The following NRL variants were observed in gnomAD, a reference collection of about 807,000 sequenced individuals.
The protein encoded by NRL is neural retina leucine zipper, also known as neural retina-specific leucine zipper protein.
In NRL, 16 loss-of-function variants were observed where a neutral mutation model predicts 12.5. That is an observed-to-expected ratio of 1.28 (90% confidence interval 0.87 to 1.95). The LOEUF is 1.95. Among genes scored for constraint, NRL ranks in the 30% most tolerant of loss-of-function variants. The pLI is 0.00. For missense variants in NRL, 314 were observed against 325.8 expected, an observed-to-expected ratio of 0.96 and a Z score of 0.28; for synonymous variants, 142 against 150.9, an observed-to-expected ratio of 0.94 and a Z score of 0.43.
intron 1 of NRL, chr14:24,114,415 C>G (rs1431220786): frequency 6.5e-6 from 1 of 153,512 alleles, no homozygotes; most frequent in South Asian, 2.1e-4. Context: ...GACAGAAGAA[C>G]GGCTCCAGCT....
chr14:24,099,583 G>A (rs1433659057), intron 1 of NRL: 1 of 1,606,082 alleles, frequency 6.2e-7, no homozygotes, highest in East Asian at 2.2e-5. Context: ...AGCCCTGCAG[G>A]GAAGAAGCGC....
chr14:24,100,254 C>T (rs2037108777), intron 1 of NRL: 6 of 1,607,204 alleles, frequency 3.7e-6, no homozygotes, highest in Non-Finnish European at 5.1e-6. Context: ...CTCCAGGCCT[C>T]AGCACCTTAA....
At chr14:24,100,182 G>C (rs1594302409) in intron 1 of NRL, 1 of 1,614,176 alleles carries the variant, frequency 6.2e-7, no homozygotes, top group East Asian at 2.2e-5. Context: ...GTGTTACTGT[G>C]ACCTCCTGGC....
rs1293303735 is a variant in NRL at position 24,092,856 on chromosome 14, G to A, written c.-27-9981C>T. Reference sequence around the variant, plus strand: ...AACTGAAATCAGGAATCCATTGCTCGCCATCTCCCTGCTCTGCTTCCTCTA... The same window carrying A: ...AACTGAAATCAGGAATCCATTGCTCACCATCTCCCTGCTCTGCTTCCTCTA... On this transcript the variant is annotated intron_variant, in intron 1 of 2. Coordinates refer to ENST00000561028, the MANE Select transcript of NRL (RefSeq NM_001354768.3). Among the ~76,000 whole-genome samples, 9 of 152,200 alleles carry A rather than the reference G, an allele frequency of 5.9e-5. No homozygotes were observed. In the South Asian group the frequency reaches 1.0e-3, roughly 17 times the overall value.
intron 1 of NRL, chr14:24,102,749 C>A: frequency 6.2e-7 from 1 of 1,612,178 alleles, no homozygotes; most frequent in Non-Finnish European, 8.5e-7. Context: ...ATTTCCTCTG[C>A]CAGGTGACAA....
intron 1 of NRL, among the ~76,000 whole-genome samples, chr14:24,104,533 G>A (rs1378385555): frequency 6.6e-6 from 1 of 151,688 alleles, no homozygotes; most frequent in Non-Finnish European, 1.5e-5. Flanking sequence ...TAGCTATTTG[G>A]GAAGCTGAGG....
At chr14:24,108,484 A>G (rs1171378209) in intron 1 of NRL, among the ~76,000 whole-genome samples, 1 of 149,258 alleles carries the variant, frequency 6.7e-6, no homozygotes, top group Non-Finnish European at 1.5e-5. Context: ...GGTGTAAGCC[A>G]CCACACCTGG....
rs556203758 is a variant in NRL at position 24,085,955 on chromosome 14, G to A, written c.-27-3080C>T. 2.6e-5 allele frequency among the ~76,000 whole-genome samples: 4 copies of A among 152,324 alleles called. No homozygotes were observed. The highest frequency in any genetic ancestry group is 9.6e-5 in the African/African-American group (4 of 41,574). On this transcript the variant is annotated intron_variant, in intron 1 of 2. Coordinates refer to ENST00000561028, the MANE Select transcript of NRL (RefSeq NM_001354768.3). This position sits in a 1 kb window ranked among gnomAD's most constrained non-coding sequence, Gnocchi z 4.1. ...GCTTGAAAGTTTAAAGGCCAGGCAC[G>A]CCTGTAATCCCAGCATTTTGGGAGG...
At chr14:24,098,964 C>G in intron 1 of NRL, 1 of 1,075,890 alleles carries the variant, frequency 9.3e-7, no homozygotes, top group South Asian at 1.4e-5. Flanking sequence ...CCAAGTGTCT[C>G]TCCTGCCAAT....
In NRL at chr14:24,094,547, G is replaced by A. The variant is rs2036768374; in HGVS notation, c.-27-11672C>T. 1 of 1,440,668 alleles carries A rather than the reference G, an allele frequency of 6.9e-7. No homozygotes were observed. The highest frequency in any genetic ancestry group is 9.1e-7 in the Non-Finnish European group (1 of 1,101,870). The allele number at this position is 1,440,668 out of a possible 1,614,324, so 89.2% of individuals were successfully genotyped here. A position where few individuals can be genotyped will look rare whatever the true frequency, so the allele number is the denominator to read the frequency against. ...CTCCGCCAGGTTTCCCATCCTAGGC[G>A]GAGGCGGGCAGGGGCGACTGCTGTG... On this transcript the variant is annotated intron_variant, in intron 1 of 2. Transcript: ENST00000561028. The surrounding 1 kb of genome is among the most constrained non-coding windows in gnomAD (Gnocchi z 4.1).
At chr14:24,103,074 G>C (rs1594311164) in intron 1 of NRL, 1 of 1,243,032 alleles carries the variant, frequency 8.0e-7, no homozygotes, top group South Asian at 1.2e-5. Flanking sequence ...TCTTAGGAGA[G>C]AGAGTACCAG....
Position 24,082,503 on chromosome 14 carries a change from C to T in NRL, c.346G>A (p.Gly116Arg), listed in dbSNP as rs555161520. 1.2e-6 allele frequency: 2 copies of T among 1,613,090 alleles called. No individual in the cohort carries two copies. The highest frequency in any genetic ancestry group is 2.2e-5 in the South Asian group (2 of 91,070). The stretch of plus-strand genomic sequence containing the variant: ...TGGGCTCCTGTCTCCTCTGGGCTCC[C>T]TGGGTAGTAGCCATGGGGCCCATCA... ...PVDGPHGYYP[G>R]SPEETGAQHV... is the part of the protein sequence containing the mutation. The change falls in exon 2 of 3, where the codon GGG becomes AGG. Residue 116 changes from glycine to arginine, a missense_variant. Coordinates refer to ENST00000561028, the MANE Select transcript of NRL (RefSeq NM_001354768.3).
At position 24,085,687 on chromosome 14, in the gene NRL, A is replaced by G. The variant is rs1340565480; in HGVS notation, c.-27-2812T>C. Among the ~76,000 whole-genome samples the G allele has an allele frequency of 6.6e-6, 1 of 152,224 alleles. No individual in the cohort carries two copies. The highest frequency in any genetic ancestry group is 1.5e-5 in the Non-Finnish European group (1 of 68,040). The stretch of plus-strand genomic sequence containing the variant: ...AGGCCTGGGTGTCCATCAGACCCCA[A>G]AGGTCATCACTTATAAAACTTAACC... On this transcript the variant is annotated intron_variant, in intron 1 of 2. Transcript: ENST00000561028. This position sits in a 1 kb window ranked among gnomAD's most constrained non-coding sequence, Gnocchi z 4.1.
At chr14:24,096,959 C>T (rs151112797) in intron 1 of NRL, 46 of 1,613,488 alleles carry the variant, frequency 2.9e-5, no homozygotes, top group Non-Finnish European at 3.9e-5. Context: ...CCTGCGAGTG[C>T]TTAGTGGAGA....
At chr14:24,087,145 T>C (rs1415121213) in intron 1 of NRL, among the ~76,000 whole-genome samples, 1 of 151,964 alleles carries the variant, frequency 6.6e-6, no homozygotes, top group Non-Finnish European at 1.5e-5. Flanking sequence ...AGGGTCTCCA[T>C]GGGGATTTGG....
chr14:24,081,200 C>T lies in NRL; in HGVS notation c.*36G>A. The stretch of plus-strand genomic sequence containing the variant: ...CGCCTCCTGGGCGGAGCCACCCCAC[C>T]CAGCCCCCACTACACCACAAGGTGC... On this transcript the variant is annotated 3_prime_UTR_variant, in exon 3 of 3. Transcript: ENST00000561028. This position sits in a 1 kb window ranked among gnomAD's most constrained non-coding sequence, Gnocchi z 4.4. 3 of 1,372,512 alleles carry T rather than the reference C, an allele frequency of 2.2e-6. No homozygotes were observed. In the South Asian group the frequency reaches 5.1e-5, roughly 23 times the overall value. 85.0% of individuals were successfully genotyped at this position (1,372,512 alleles called of 1,614,324 possible).
At chr14:24,103,820 T>C (rs1360853236) in intron 1 of NRL, 1 of 1,614,054 alleles carries the variant, frequency 6.2e-7, no homozygotes, top group Non-Finnish European at 8.5e-7. Context: ...TAGACACCAC[T>C]CAGCTGTTCT....
intron 1 of NRL, among the ~76,000 whole-genome samples, chr14:24,086,814 G>A (rs937075667): frequency 5.3e-5 from 8 of 152,202 alleles, no homozygotes; most frequent in African/African-American, 1.9e-4. Flanking sequence ...AAGCTCAGGC[G>A]AGTTGAGCTG....
Position 24,085,468 on chromosome 14 carries a change from T to G in NRL, c.-27-2593A>C, listed in dbSNP as rs764378289. ...TGAGGGGTGACCTACATTTTCAGCC[T>G]AATCCCCTAACACCTCTTAGAGCTA... is the stretch of plus-strand genomic sequence containing the variant. On this transcript the variant is annotated intron_variant, in intron 1 of 2. Coordinates refer to ENST00000561028, the MANE Select transcript of NRL (RefSeq NM_001354768.3). This position sits in a 1 kb window ranked among gnomAD's most constrained non-coding sequence, Gnocchi z 4.1. Among the ~76,000 whole-genome samples the G allele has an allele frequency of 6.6e-6, 1 of 152,168 alleles. No individual in the cohort carries two copies. The highest frequency in any genetic ancestry group is 1.5e-5 in the Non-Finnish European group (1 of 68,030).
Sources: gnomAD v4.1 joint callset for allele counts (sites outside exome capture counted in the v4.1 genomes callset) on GRCh38, gnomAD v4.1.1 for gene constraint, Gnocchi (gnomAD v3.1) non-coding constraint, MANE v1.5 for transcripts, NCBI Gene and HGNC (gene_info 2026-07-23, HGNC 2026-07-21) for gene names.